CYP3A7: variants seen among roughly 807,000 people sequenced by gnomAD.
CYP3A7 encodes the protein cytochrome P450 3A7.
A neutral mutation model predicts 55.2 loss-of-function variants in CYP3A7; 45 were observed. That is an observed-to-expected ratio of 0.82 (90% CI 0.64 to 1.05). The LOEUF is 1.05. Ranked by LOEUF, CYP3A7 falls within the 50% of genes least tolerant of loss-of-function variation. CYP3A7 has a pLI of 0.00. For synonymous variants in CYP3A7, 180 were observed against 207.4 expected, an observed-to-expected ratio of 0.87 and a Z score of 1.13; for missense variants, 548 against 605.3, an observed-to-expected ratio of 0.91 and a Z score of 0.99.
Position 99,722,317 on chromosome 7 carries a change from T to C in CYP3A7, c.197A>G (p.Lys66Arg). ...TCACCCCCAGACTTTTCTATACTTTTTATAACATTCCATGTCAAACGTCCA... is the reference window on the plus strand; with the variant it reads ...TCACCCCCAGACTTTTCTATACTTTCTATAACATTCCATGTCAAACGTCCA... ...GYWTFDMECY[K>R]KYRKVWGIYD... Residue 66 changes from lysine to arginine, a missense_variant, in exon 3 of 13, where the codon AAA becomes AGA. By Grantham distance (26) the Lys-to-Arg change is conservative. Coordinates refer to ENST00000336374, the MANE Select transcript of CYP3A7 (RefSeq NM_000765.5). The C allele has an allele frequency of 6.2e-7, 1 of 1,613,636 alleles. No individual in the cohort carries two copies. The highest frequency in any genetic ancestry group is 8.5e-7 in the Non-Finnish European group (1 of 1,179,658).
At position 99,715,775 on chromosome 7, in the gene CYP3A7, G is replaced by T. The variant is rs767750768; in HGVS notation, c.653C>A (p.Pro218Gln). Reference sequence around the variant, plus strand: ...CCACATACTTATTGAGAGAACGAATGGATCTAATGGATTAAATCTTAAAAG... The same window carrying T: ...CCACATACTTATTGAGAGAACGAATTGATCTAATGGATTAAATCTTAAAAG... ...KKLLRFNPLD[P>Q]FVLSIKVFPF... The change falls in exon 7 of 13, where the codon CCA (proline) becomes CAA (glutamine). Residue 218 changes from proline (P) to glutamine (Q), a missense_variant. By Grantham distance (76) the Pro-to-Gln change is moderately conservative. Transcript: ENST00000336374. The T allele has an allele frequency of 1.1e-5, 17 of 1,613,664 alleles. No individual in the cohort carries two copies. The East Asian group carries it at 3.6e-4, about 34-fold the overall frequency.
Position 99,710,780 on chromosome 7 carries a change from A to G in CYP3A7, c.978T>C (p.Asp326=). Residue 326 remains aspartate (D), a synonymous_variant, in exon 10 of 13, where the codon GAT becomes GAC. Coordinates refer to ENST00000336374, the MANE Select transcript of CYP3A7 (RefSeq NM_000765.5). The part of the protein sequence containing the change: ...FIIYELATHP[D]VQQKVQKEID... Reference sequence around the variant, plus strand: ...TTTCCTTCTGCACTTTCTGCTGGACATCAGGGTGAGTGGCCAGTTCATATA... The same window carrying G: ...TTTCCTTCTGCACTTTCTGCTGGACGTCAGGGTGAGTGGCCAGTTCATATA... 3 of 1,613,970 alleles carry G rather than the reference A, an allele frequency of 1.9e-6. No individual in the cohort carries two copies. Among genetic ancestry groups the G allele is most frequent in the Non-Finnish European group, 2.5e-6 (3 of 1,179,906 alleles).
intron 1 of CYP3A7, among the ~76,000 whole-genome samples, chr7:99,732,483 C>T (rs1052386740): frequency 1.3e-4 from 20 of 151,928 alleles, no homozygotes; most frequent in Admixed American, 9.2e-4. Context: ...CAGTTTATTG[C>T]GTCTGCACAT....
intron 3 of CYP3A7, among the ~76,000 whole-genome samples, chr7:99,721,252 G>A (rs904302741): frequency 2.0e-5 from 3 of 152,104 alleles, no homozygotes; most frequent in African/African-American, 7.2e-5. Flanking sequence ...AAAAGTCTTG[G>A]CTTAAAGTTA....
chr7:99,715,155 TA>T (rs1342147652), intron 7 of CYP3A7, among the ~76,000 whole-genome samples: 2 of 152,204 alleles, frequency 1.3e-5, no homozygotes, highest in African/African-American at 4.8e-5. Flanking sequence ...AATAAACTTT[TA>T]AGCAACCAAT....
chr7:99,709,232 C>A lies in CYP3A7; in HGVS notation c.1056G>T (p.Gln352His), dbSNP rs753743255. The change falls in exon 11 of 13, where the codon CAG (glutamine) becomes CAT (histidine). Residue 352 changes from glutamine to histidine, a missense_variant. By Grantham distance (24) the Gln-to-His change is conservative. Transcript: ENST00000336374. ...KAPPTYDTVL[Q>H]LEYLDMVVNE... ...TCACCACCATGTCAAGATACTCCAA[C>A]TGTAGCACAGTATCATAGGTGGGTG... The A allele has an allele frequency of 9.3e-6, 15 of 1,613,864 alleles. No individual in the cohort carries two copies. The highest frequency in any genetic ancestry group is 1.3e-5 in the Non-Finnish European group (15 of 1,179,910).
At chr7:99,725,604 G>T (rs1429514002) in intron 2 of CYP3A7, among the ~76,000 whole-genome samples, 1 of 152,206 alleles carries the variant, frequency 6.6e-6, no homozygotes, top group East Asian at 1.9e-4. Context: ...CCTAAGCCGT[G>T]CCCTGTCTGT....
At position 99,705,529 on chromosome 7, in the gene CYP3A7, A is replaced by T. The variant is rs201591102; in HGVS notation, c.1483T>A (p.Ser495Thr). 6.2e-7 allele frequency: 1 copy of T among 1,613,626 alleles called. No homozygotes were observed. The highest frequency in any genetic ancestry group is 8.5e-7 in the Non-Finnish European group (1 of 1,179,678). The change falls in exon 13 of 13, where the codon TCA becomes ACA. Residue 495 changes from serine to threonine, a missense_variant. Transcript: ENST00000336374. ...TEKPIVLKAE[S>T]RDETVSGA ...GCTCCACTTACGGTCTCATCCCTTGACTCAGCCTTTAGAACAATGGGTTTT... is the reference window on the plus strand; with the variant it reads ...GCTCCACTTACGGTCTCATCCCTTGTCTCAGCCTTTAGAACAATGGGTTTT...
intron 12 of CYP3A7, 104 bp from the exon 13 acceptor site, chr7:99,705,699 A>G (rs1813495879): frequency 5.0e-6 from 7 of 1,386,542 alleles, no homozygotes; most frequent in Non-Finnish European, 7.0e-6. Context: ...CTTTGTAAAC[A>G]TATAAAAACT....
intron 1 of CYP3A7, among the ~76,000 whole-genome samples, chr7:99,732,282 T>TAAC (rs1429757043): frequency 2.0e-5 from 3 of 152,198 alleles, no homozygotes; most frequent in Non-Finnish European, 2.9e-5. Flanking sequence ...GCCATGATTG[T>TAAC]AAATTTCCTG....
intron 5 of CYP3A7, 103 bp from the exon 6 acceptor site, chr7:99,717,368 G>T: frequency 6.3e-7 from 1 of 1,599,872 alleles, no homozygotes; most frequent in Non-Finnish European, 8.6e-7. Context: ...ATTGTATAAT[G>T]AATTTTATGA....
chr7:99,719,676 G>A (rs1159263856), intron 4 of CYP3A7, among the ~76,000 whole-genome samples: 4 of 152,026 alleles, frequency 2.6e-5, no homozygotes, highest in African/African-American at 9.7e-5. Flanking sequence ...AAAAACACTC[G>A]TGACTGTAGG....
chr7:99,725,849 G>A (rs892267179), intron 2 of CYP3A7, among the ~76,000 whole-genome samples: 5 of 152,090 alleles, frequency 3.3e-5, no homozygotes, highest in Non-Finnish European at 5.9e-5. Context: ...CGATAGGGGG[G>A]ATACCCACTC....
intron 2 of CYP3A7, 41 bp downstream of exon 2, chr7:99,731,018 G>A (rs1204060232): frequency 1.2e-6 from 2 of 1,609,082 alleles, no homozygotes; most frequent in East Asian, 2.2e-5. Context: ...GTTGCTCTTT[G>A]CAATCATAAG....
chr7:99,719,826 C>T (rs541438370), intron 4 of CYP3A7, among the ~76,000 whole-genome samples: 5 of 152,052 alleles, frequency 3.3e-5, no homozygotes, highest in Non-Finnish European at 7.4e-5. Flanking sequence ...GGTGAAACCT[C>T]GTCTCTACTA....
intron 4 of CYP3A7, 140 bp from the exon 5 acceptor site, chr7:99,717,779 CT>C: frequency 8.9e-7 from 1 of 1,118,948 alleles, no homozygotes; most frequent in South Asian, 1.4e-5. Flanking sequence ...ATGACAGATG[CT>C]CAATAGGATT....
chr7:99,717,189 A>T lies in CYP3A7; in HGVS notation c.509T>A (p.Val170Asp), dbSNP rs755775235. 1.2e-6 allele frequency: 2 copies of T among 1,613,770 alleles called. No homozygotes were observed. Among genetic ancestry groups the T allele is most frequent in the Non-Finnish European group, 1.7e-6 (2 of 1,179,842 alleles). Reference sequence around the variant, plus strand: ...TGCTCCTACTTACTGTTTCAAGGTGACAGGCTTGCCTGTCTCTGCTTCCCG... The same window carrying T: ...TGCTCCTACTTACTGTTTCAAGGTGTCAGGCTTGCCTGTCTCTGCTTCCCG... ...LRREAETGKP[V>D]TLKHVFGAYS... The change falls in exon 6 of 13, where the codon GTC becomes GAC. Residue 170 changes from valine to aspartate, a missense_variant. Transcript: ENST00000336374.
intron 6 of CYP3A7, among the ~76,000 whole-genome samples, chr7:99,716,314 A>G (rs1382261000): frequency 2.6e-5 from 4 of 152,206 alleles, no homozygotes; most frequent in Non-Finnish European, 5.9e-5. Flanking sequence ...TTGCCTGACT[A>G]CAGACTCTAT....
chr7:99,721,248 C>A (rs574670022), intron 3 of CYP3A7, among the ~76,000 whole-genome samples: 1 of 152,210 alleles, frequency 6.6e-6, no homozygotes, highest in South Asian at 2.1e-4. Flanking sequence ...ATTAAAAAGT[C>A]TTGGCTTAAA....
Sources: gnomAD v4.1 joint callset for allele counts (sites outside exome capture counted in the v4.1 genomes callset) on GRCh38, gnomAD v4.1.1 for gene constraint, MANE v1.5 for transcripts, NCBI Gene and HGNC (gene_info 2026-07-23, HGNC 2026-07-21) for gene names.